The following PTCD3 variants were observed in gnomAD, a reference collection of about 807,000 sequenced individuals.
PTCD3 encodes pentatricopeptide repeat domain 3.
PTCD3 carries 89 observed loss-of-function variants against 101.9 expected under a neutral mutation model. The observed-to-expected ratio is 0.87, with a 90% confidence interval of 0.74 to 1.04. The LOEUF is 1.04. Among genes scored for constraint, PTCD3 ranks in the 50% least tolerant of loss-of-function variants. The probability of loss-of-function intolerance (pLI) is 0.00; values close to 1 mark genes in which losing one functional copy is unlikely to be tolerated. For synonymous variants in PTCD3, 296 were observed against 278.5 expected (o/e 1.06, Z -0.63); for missense variants, 870 against 828.2 (o/e 1.05, Z -0.62).
rs1296038249 is a variant in PTCD3 at position 86,141,070 on chromosome 2, A to AATC, written c.*3512_*3514dup. 1 of 152,190 alleles carries AATC rather than the reference A, an allele frequency of 6.6e-6. No homozygotes were observed. Among genetic ancestry groups the AATC allele is most frequent in the Non-Finnish European group, 1.5e-5 (1 of 68,038 alleles). The allele number at this position is 152,190 out of a possible 1,614,324, so 9.4% of individuals were successfully genotyped here. A position where few individuals can be genotyped will look rare whatever the true frequency, so the allele number is the denominator to read the frequency against. On this transcript the variant is annotated 3_prime_UTR_variant, in exon 24 of 24. Coordinates refer to ENST00000254630, the MANE Select transcript of PTCD3 (RefSeq NM_017952.6). ...TCATGACAGAATTTACTCCCAGGACAATCTAAGTTCTGCCACAAGTACCCG... is the reference window on the plus strand; with the variant it reads ...TCATGACAGAATTTACTCCCAGGACAATCATCTAAGTTCTGCCACAAGTACCCG...
rs1466679130 is a variant in PTCD3, at chr2:86,115,240, G to T, written c.241-1290G>T. Among the ~76,000 whole-genome samples the T allele has an allele frequency of 2.6e-5, 4 of 152,244 alleles. No individual in the cohort carries two copies. The East Asian group carries it at 5.8e-4, about 22-fold the overall frequency. On this transcript the variant is annotated intron_variant, in intron 4 of 23. Transcript: ENST00000254630. ...GTTTCAGGTCTGTTAACTCTTTTCT[G>T]CAAAATATCAAAATTTTAGATGCCT...
At position 86,133,174 on chromosome 2, in the gene PTCD3, ACAGT is replaced by A; in HGVS notation, c.1374-3_1374del. ...ACTAAACATACTTTTTGCCTTCATCACAGTTCCAAGTTCTTCGATTTGATTTGTC... is the reference window on the plus strand; with the variant it reads ...ACTAAACATACTTTTTGCCTTCATCATCCAAGTTCTTCGATTTGATTTGTC... On this transcript the variant is annotated splice_acceptor_variant and splice_polypyrimidine_tract_variant and coding_sequence_variant and intron_variant, in exon 18 of 24. Transcript: ENST00000254630. LOFTEE classifies it high-confidence loss of function. 1 of 1,612,630 alleles carries A rather than the reference ACAGT, an allele frequency of 6.2e-7. No individual in the cohort carries two copies.
At chr2:86,134,222 G>A in intron 19 of PTCD3, 70 bp from the exon 20 acceptor site, 2 of 1,179,336 alleles carry the variant, frequency 1.7e-6, no homozygotes, top group South Asian at 2.7e-5. Context: ...CAAAAAATAG[G>A]TTGACAGTGA....
rs747133480 is a variant in PTCD3 at position 86,123,704 on chromosome 2, G to A, written c.658G>A (p.Glu220Lys). ...QQTGQSEALE[E>K]ENDETSRRKA... ...TTTTGATGATTATTCATTTCAGGAAGAGGAAAATGATGAGACATCTAGGAG... is the reference window on the plus strand; with the variant it reads ...TTTTGATGATTATTCATTTCAGGAAAAGGAAAATGATGAGACATCTAGGAG... Residue 220 changes from glutamate to lysine, a missense_variant, in exon 9 of 24, where the codon GAG becomes AAG. Coordinates refer to ENST00000254630, the MANE Select transcript of PTCD3 (RefSeq NM_017952.6). 11 of 1,590,326 alleles carry A rather than the reference G, an allele frequency of 6.9e-6. No homozygotes were observed. The Admixed American group carries it at 1.8e-4, about 27-fold the overall frequency.
chr2:86,108,606 G>C (rs1014607822), intron 3 of PTCD3, 70 bp downstream of exon 3: 1 of 1,398,184 alleles, frequency 7.2e-7, no homozygotes, highest in Non-Finnish European at 9.7e-7. Context: ...TAAGGGTTAG[G>C]TAAGGAGACA....
intron 4 of PTCD3, among the ~76,000 whole-genome samples, chr2:86,115,033 T>C (rs1027245608): frequency 1.3e-4 from 20 of 152,188 alleles, no homozygotes; most frequent in African/African-American, 4.3e-4. Context: ...GCATATATTA[T>C]ACCAAGTTTC....
chr2:86,134,502 C>T, intron 20 of PTCD3, 125 bp downstream of exon 20: 1 of 752,520 alleles, frequency 1.3e-6, no homozygotes, highest in Non-Finnish European at 2.2e-6. Flanking sequence ...AGTGATGATA[C>T]ATCTAAACAT....
At chr2:86,106,465 A>G in intron 1 of PTCD3, 114 bp downstream of exon 1, 3 of 1,074,776 alleles carry the variant, frequency 2.8e-6, no homozygotes, top group Non-Finnish European at 2.7e-6. Flanking sequence ...GCGCGCCCTT[A>G]ACGGTCGCGT....
intron 12 of PTCD3, 94 bp from the exon 13 acceptor site, chr2:86,127,067 G>T: frequency 8.6e-7 from 1 of 1,162,502 alleles, no homozygotes. Flanking sequence ...TTAAACATAA[G>T]CAAGAAAGCT....
At chr2:86,130,981 G>A in intron 15 of PTCD3, 97 bp from the exon 16 acceptor site, 1 of 1,408,828 alleles carries the variant, frequency 7.1e-7, no homozygotes, top group Non-Finnish European at 9.7e-7. Context: ...TATCTTGCAT[G>A]TTACCAGTTT....
Position 86,107,031 on chromosome 2 carries a change from A to G in PTCD3, c.104+680A>G, listed in dbSNP as rs187740455. ...AGACAGATTTCCTCATCTGCAGACTAGAGTTGGTAATAACCATCCGAAAAG... is the reference window on the plus strand; with the variant it reads ...AGACAGATTTCCTCATCTGCAGACTGGAGTTGGTAATAACCATCCGAAAAG... On this transcript the variant is annotated intron_variant, in intron 1 of 23. Coordinates refer to ENST00000254630, the MANE Select transcript of PTCD3 (RefSeq NM_017952.6). The G allele has an allele frequency of 7.0e-5, 31 of 445,320 alleles. 1 individual carries two copies. Among genetic ancestry groups the G allele is most frequent in the Admixed American group, 2.8e-4 (11 of 39,294 alleles). The allele number at this position is 445,320 out of a possible 1,614,324, so 27.6% of individuals were successfully genotyped here.
intron 12 of PTCD3, 131 bp downstream of exon 12, chr2:86,126,011 C>T: frequency 3.5e-6 from 2 of 576,990 alleles, no homozygotes; most frequent in Middle Eastern, 5.0e-4. Flanking sequence ...GGGCAGATCA[C>T]CTGAGGCCAG....
In PTCD3 at chr2:86,132,391, T is replaced by G; in HGVS notation, c.1340T>G (p.Phe447Cys). 6.2e-7 allele frequency: 1 copy of G among 1,604,210 alleles called. No homozygotes were observed. Among genetic ancestry groups the G allele is most frequent in the Non-Finnish European group, 8.5e-7 (1 of 1,171,294 alleles). ...GLLKTGDNWKFIGPDQHRNFY... is the reference protein window; with the variant it reads ...GLLKTGDNWKCIGPDQHRNFY... ...TTAAAAACCGGAGACAACTGGAAATTCATTGGACCTGATCAACATCGTAAT... is the reference window on the plus strand; with the variant it reads ...TTAAAAACCGGAGACAACTGGAAATGCATTGGACCTGATCAACATCGTAAT... Residue 447 changes from phenylalanine (F) to cysteine (C), a missense_variant, in exon 17 of 24, where the codon TTC (phenylalanine) becomes TGC (cysteine). Physicochemically the swap from Phe to Cys is radical, Grantham distance 205. Coordinates refer to ENST00000254630, the MANE Select transcript of PTCD3 (RefSeq NM_017952.6).
At position 86,128,683 on chromosome 2, in the gene PTCD3, G is replaced by A. The variant is rs114223048; in HGVS notation, c.1147+692G>A. Among the ~76,000 whole-genome samples the A allele has an allele frequency of 3.1e-3, 478 of 152,240 alleles. 4 individuals are homozygous for A. Among genetic ancestry groups the A allele is most frequent in the Middle Eastern group, 0.01 (3 of 294 alleles). On this transcript the variant is annotated intron_variant, in intron 14 of 23. Transcript: ENST00000254630. ...TTGGGAGGACCTCAAGGCTCCATGC[G>A]TTGTCCACTTTTAGGTCAGTTCCAG...
At position 86,140,350 on chromosome 2, in the gene PTCD3, T is replaced by C. The variant is rs923438731; in HGVS notation, c.*2791T>C. On this transcript the variant is annotated 3_prime_UTR_variant, in exon 24 of 24. Transcript: ENST00000254630. ...TGTACCCATATTCTCTAAGACAGGG[T>C]AGCATTTGTCTTTCAAACTGCAGGG... The C allele has an allele frequency of 2.0e-5, 3 of 151,866 alleles. No individual in the cohort carries two copies. The highest frequency in any genetic ancestry group is 7.3e-5 in the African/African-American group (3 of 41,338). The allele number at this position is 151,866 out of a possible 1,614,324, so 9.4% of individuals were successfully genotyped here.
chr2:86,120,106 A>G (rs1674255615), intron 7 of PTCD3, among the ~76,000 whole-genome samples: 1 of 152,226 alleles, frequency 6.6e-6, no homozygotes, highest in Admixed American at 6.5e-5. Flanking sequence ...CATCAGATGT[A>G]TGGCTGAGTG....
chr2:86,106,272 T>TGGCTGGGCCTCCGCAGCA lies in PTCD3; in HGVS notation c.30_47dup (p.Leu12_Gly17dup). The stretch of plus-strand genomic sequence containing the variant: ...GATGGCGGTTGTATCTGCTGTTCGC[T>TGGCTGGGCCTCCGCAGCA]GGCTGGGCCTCCGCAGCAGGCTTGG... On this transcript the variant is annotated inframe_insertion, in exon 1 of 24. Coordinates refer to ENST00000254630, the MANE Select transcript of PTCD3 (RefSeq NM_017952.6). 1.9e-6 allele frequency: 3 copies of TGGCTGGGCCTCCGCAGCA among 1,613,942 alleles called. No individual in the cohort carries two copies. The Middle Eastern group carries it at 4.9e-4, about 266-fold the overall frequency.
At chr2:86,134,767 C>T in intron 20 of PTCD3, 72 bp from the exon 21 acceptor site, 1 of 1,522,304 alleles carries the variant, frequency 6.6e-7, no homozygotes, top group South Asian at 1.1e-5. Flanking sequence ...TTTAAGGATC[C>T]TGTGTTAGTC....
intron 6 of PTCD3, 55 bp downstream of exon 6, chr2:86,117,214 C>T (rs1674192228): frequency 5.8e-6 from 4 of 692,404 alleles, no homozygotes; most frequent in Non-Finnish European, 1.0e-5. Context: ...GTAAATTAAA[C>T]CAGGCTTTCA....
Sources: gnomAD v4.1 joint callset for allele counts (sites outside exome capture counted in the v4.1 genomes callset) on GRCh38, gnomAD v4.1.1 for gene constraint, MANE v1.5 for transcripts, NCBI Gene and HGNC (gene_info 2026-07-23, HGNC 2026-07-21) for gene names.